Variants in MYO9B observed in about 807,000 individuals in gnomAD.
MYO9B encodes unconventional myosin-IXb.
A neutral mutation model predicts 229.5 loss-of-function variants in MYO9B; 71 were observed. That is an observed-to-expected ratio of 0.31 (90% CI 0.26 to 0.38). The LOEUF (loss-of-function observed/expected upper bound fraction) is 0.38. Ranked by LOEUF, MYO9B falls within the 10% of genes least tolerant of loss-of-function variation. The pLI, the probability that MYO9B is intolerant of heterozygous loss-of-function variation, is 1.00. For synonymous variants in MYO9B, 1,185 were observed against 1,235.8 expected (o/e 0.96, Z 0.86); for missense variants, 2,255 against 2,920.5 (o/e 0.77, Z 5.25).
chr19:17,210,976 AC>A, intron 38 of MYO9B, 128 bp downstream of exon 38: 69 of 565,522 alleles, frequency 1.2e-4, no homozygotes, highest in Middle Eastern at 5.3e-4. Context: ...GGCAAACAAC[AC>A]TTTTTTTTTT....
intron 10 of MYO9B, among the ~76,000 whole-genome samples, chr19:17,164,323 A>T (rs931959888): frequency 6.6e-6 from 1 of 152,066 alleles, no homozygotes; most frequent in African/African-American, 2.4e-5. Flanking sequence ...GTTAGTTGAG[A>T]AACAGGGTTG....
chr19:17,191,349 G>C, intron 20 of MYO9B, 130 bp downstream of exon 20: 1 of 1,235,596 alleles, frequency 8.1e-7, no homozygotes, highest in Non-Finnish European at 1.1e-6. Context: ...CATTTCTCGG[G>C]ACCCAGCAGA....
intron 39 of MYO9B, 34 bp from the exon 40 acceptor site, chr19:17,211,861 A>T: frequency 6.2e-7 from 1 of 1,601,442 alleles, no homozygotes; most frequent in Non-Finnish European, 8.5e-7. Flanking sequence ...CCGGCCCTGA[A>T]GCTGCAGTAA....
At position 17,195,068 on chromosome 19, in the gene MYO9B, C is replaced by A; in HGVS notation, c.3641C>A (p.Ser1214Tyr). 1 of 1,613,010 alleles carries A rather than the reference C, an allele frequency of 6.2e-7. No individual in the cohort carries two copies. Among genetic ancestry groups the A allele is most frequent in the Non-Finnish European group, 8.5e-7 (1 of 1,179,856 alleles). Residue 1214 changes from serine to tyrosine, a missense_variant, in exon 22 of 40, where the codon TCT becomes TAT. By Grantham distance (144) the Ser-to-Tyr change is moderately radical. Around this residue, in one of 7 missense-constraint regions of MYO9B, gnomAD observed 679 missense variants for 770.2 expected, o/e 0.88. Coordinates refer to ENST00000682292, the MANE Select transcript of MYO9B (RefSeq NM_004145.4). The surrounding 1 kb of genome is among the most constrained non-coding windows in gnomAD (Gnocchi z 4.5). ...LVVETEAENT[S>Y]QKQPTEQPQA... The stretch of plus-strand genomic sequence containing the variant: ...GTAGAGACGGAGGCTGAGAACACAT[C>A]TCAAAAGCAGCCCACAGAGCAACCC...
intron 13 of MYO9B, among the ~76,000 whole-genome samples, 155 bp from the exon 14 acceptor site, chr19:17,175,508 G>T (rs1402260321): frequency 6.6e-6 from 1 of 152,084 alleles, no homozygotes; most frequent in Non-Finnish European, 1.5e-5. Flanking sequence ...GAACTCAGGA[G>T]GCAGAAGTTG....
In MYO9B at chr19:17,206,460, C is replaced by T. The variant is rs1001716434; in HGVS notation, c.5386+84C>T. On this transcript the variant is annotated intron_variant, in intron 33 of 39. Coordinates refer to ENST00000682292, the MANE Select transcript of MYO9B (RefSeq NM_004145.4). ...CTGTGACCAGCCCAGGAGGCAGGACCACCCAGTTCACAAACTGAGAAACTG... is the reference window on the plus strand; with the variant it reads ...CTGTGACCAGCCCAGGAGGCAGGACTACCCAGTTCACAAACTGAGAAACTG... 7 of 1,526,226 alleles carry T rather than the reference C, an allele frequency of 4.6e-6. No homozygotes were observed. The African/African-American group carries it at 9.6e-5, about 21-fold the overall frequency. 94.5% of individuals were successfully genotyped at this position (1,526,226 alleles called of 1,614,324 possible).
intron 35 of MYO9B, chr19:17,207,562 A>C (rs1460685436): frequency 1.9e-5 from 3 of 153,990 alleles, no homozygotes; most frequent in African/African-American, 7.2e-5. Flanking sequence ...TAAAAATTTA[A>C]ATTTTTGTCT....
intron 2 of MYO9B, chr19:17,103,578 A>C (rs111846463): frequency 1.3e-5 from 2 of 152,430 alleles, no homozygotes; most frequent in African/African-American, 2.4e-5. Context: ...GGCAGGGGAT[A>C]GTGGGCTGGA....
chr19:17,105,962 C>T (rs546125089), intron 2 of MYO9B, among the ~76,000 whole-genome samples: 1 of 151,838 alleles, frequency 6.6e-6, no homozygotes, highest in South Asian at 2.1e-4. Context: ...TTTCCTTTCC[C>T]ATCCCCTCCC....
At chr19:17,154,130 A>G (rs1020911999) in intron 5 of MYO9B, 64 bp downstream of exon 5, 1 of 1,513,350 alleles carries the variant, frequency 6.6e-7, no homozygotes, top group Non-Finnish European at 9.1e-7. Flanking sequence ...CTGTTTATGT[A>G]TAGCCGGGAA....
At chr19:17,197,091 C>A (rs1210661206) in intron 22 of MYO9B, among the ~76,000 whole-genome samples, 1 of 151,928 alleles carries the variant, frequency 6.6e-6, no homozygotes. Context: ...TCCTGGCCAA[C>A]GTGGCGAAAC....
Position 17,172,156 on chromosome 19 carries a change from A to G in MYO9B, c.1794-180A>G, listed in dbSNP as rs1217947647. 6.6e-6 allele frequency among the ~76,000 whole-genome samples: 1 copy of G among 151,994 alleles called. No homozygotes were observed. The highest frequency in any genetic ancestry group is 2.4e-5 in the African/African-American group (1 of 41,360). On this transcript the variant is annotated intron_variant, in intron 11 of 39. Transcript: ENST00000682292. This position sits in a 1 kb window ranked among gnomAD's most constrained non-coding sequence, Gnocchi z 8.2. ...GCATGAGGCAGGCAGGCGCACTGTC[A>G]TTCCTTCCTTTCTTCACTCCTTCAC... is the stretch of plus-strand genomic sequence containing the variant.
At chr19:17,169,841 T>G (rs1324622510) in intron 11 of MYO9B, among the ~76,000 whole-genome samples, 1 of 126,552 alleles carries the variant, frequency 7.9e-6, no homozygotes, top group Non-Finnish European at 1.6e-5. Context: ...TGAGACAGGC[T>G]CTTCTTGCTC....
In MYO9B at chr19:17,107,707, C is replaced by A. The variant is rs190458408; in HGVS notation, c.840+5150C>A. Among the ~76,000 whole-genome samples, 7 of 152,326 alleles carry A rather than the reference C, an allele frequency of 4.6e-5. No individual in the cohort carries two copies. The East Asian group carries it at 1.4e-3, about 29-fold the overall frequency. ...TGTGGCCACGTCACATCAGTCTCTG[C>A]CTCTGTCGTCAGGGGCGTTCTTCCT... On this transcript the variant is annotated intron_variant, in intron 2 of 39. Transcript: ENST00000682292.
intron 10 of MYO9B, among the ~76,000 whole-genome samples, chr19:17,167,365 T>C (rs1337821655): frequency 2.6e-5 from 4 of 152,038 alleles, no homozygotes; most frequent in Non-Finnish European, 5.9e-5. Flanking sequence ...ACTCCTGGCC[T>C]CAAGCGATCC....
Position 17,192,901 on chromosome 19 carries a change from C to A in MYO9B, c.2967C>A (p.Cys989Ter). ...MKRAAVTIQACWRSYRVRRAL... is the reference protein window; with the variant it reads ...MKRAAVTIQA Reference sequence around the variant, plus strand: ...GGGCCGCCGTCACCATCCAGGCCTGCTGGCGGTCCTACCGGGTCCGGAGGG... The same window carrying A: ...GGGCCGCCGTCACCATCCAGGCCTGATGGCGGTCCTACCGGGTCCGGAGGG... Residue 989 changes from cysteine (C) to a stop codon, truncating the protein, a stop_gained, in exon 21 of 40, where the codon TGC becomes TGA. Transcript: ENST00000682292. LOFTEE classifies it high-confidence loss of function. 1 of 1,550,306 alleles carries A rather than the reference C, an allele frequency of 6.5e-7. No homozygotes were observed. The highest frequency in any genetic ancestry group is 8.7e-7 in the Non-Finnish European group (1 of 1,147,068).
At chr19:17,204,020 G>C (rs2073135097) in intron 30 of MYO9B, among the ~76,000 whole-genome samples, 1 of 152,066 alleles carries the variant, frequency 6.6e-6, no homozygotes, top group African/African-American at 2.4e-5. Flanking sequence ...GGCCCAGCAG[G>C]GTCAAGAGGG....
rs188229066 is a variant in MYO9B, at chr19:17,138,269, A to G, written c.841-7128A>G. On this transcript the variant is annotated intron_variant, in intron 2 of 39. Coordinates refer to ENST00000682292, the MANE Select transcript of MYO9B (RefSeq NM_004145.4). ...GGCTGCATAGTATTCCATAGTGTAT[A>G]TGTGCCACATTTTCTTAATCCAGTC... 2.9e-4 allele frequency among the ~76,000 whole-genome samples: 44 copies of G among 152,196 alleles called. No homozygotes were observed. In the Middle Eastern group the frequency reaches 0.014, roughly 47 times the overall value.
chr19:17,146,161 A>AGATGGATGGATG (rs56016892), intron 3 of MYO9B, among the ~76,000 whole-genome samples: 3 of 100,782 alleles, frequency 3.0e-5, no homozygotes, highest in African/African-American at 9.3e-5. Context: ...GTGGGTGGAT[A>AGATGGATGGATG]GATGGATGGA....
Sources: gnomAD v4.1 joint callset for allele counts (sites outside exome capture counted in the v4.1 genomes callset) on GRCh38, gnomAD v4.1.1 for gene constraint, gnomAD v4.1.1 regional missense constraint, Gnocchi (gnomAD v3.1) non-coding constraint, MANE v1.5 for transcripts, NCBI Gene and HGNC (gene_info 2026-07-23, HGNC 2026-07-21) for gene names.